Variants in FBN3 observed in about 807,000 individuals in gnomAD.
FBN3 encodes fibrillin 3.
FBN3 carries 234 observed loss-of-function variants against 330.1 expected under a neutral mutation model. That is an observed-to-expected ratio of 0.71 (90% CI 0.64 to 0.79). The LOEUF is 0.79. FBN3 is among the 30% of genes least tolerant of loss of function. FBN3 has a pLI of 0.00. For synonymous variants in FBN3, 1,458 were observed against 1,517.3 expected, an observed-to-expected ratio of 0.96 and a Z score of 0.91; for missense variants, 3,606 against 3,886.9, an observed-to-expected ratio of 0.93 and a Z score of 1.92.
chr19:8,068,596 G>A (rs2081442771), intron 63 of FBN3, among the ~76,000 whole-genome samples: 1 of 151,752 alleles, frequency 6.6e-6, no homozygotes, highest in Non-Finnish European at 1.5e-5. Context: ...CAGCTACTTG[G>A]GGGATTGAGG....
intron 30 of FBN3, 66 bp from the exon 31 acceptor site, chr19:8,112,165 C>G: frequency 1.3e-6 from 2 of 1,552,782 alleles, no homozygotes; most frequent in South Asian, 2.4e-5. Context: ...GCAATAGCAG[C>G]GGAAAGGGCA....
At chr19:8,097,119 G>T in intron 42 of FBN3, 113 bp from the exon 43 acceptor site, 2 of 1,506,624 alleles carry the variant, frequency 1.3e-6, no homozygotes, top group South Asian at 2.5e-5. Flanking sequence ...GAAGCAGCCA[G>T]AGCTGGAGTA....
At chr19:8,137,485 A>G (rs1049187810) in intron 10 of FBN3, among the ~76,000 whole-genome samples, 1 of 151,864 alleles carries the variant, frequency 6.6e-6, no homozygotes, top group Non-Finnish European at 1.5e-5. Flanking sequence ...GGTCCCAGAG[A>G]TGCCCAGACT....
At chr19:8,130,189 C>T (rs2083091453) in intron 16 of FBN3, among the ~76,000 whole-genome samples, 1 of 151,722 alleles carries the variant, frequency 6.6e-6, no homozygotes, top group Non-Finnish European at 1.5e-5. Context: ...TGAGCCACCG[C>T]ATCTGGCCAT....
At chr19:8,085,258 G>T in intron 56 of FBN3, 105 bp downstream of exon 56, 1 of 629,194 alleles carries the variant, frequency 1.6e-6, no homozygotes, top group Non-Finnish European at 2.5e-6. Context: ...CACACACACA[G>T]TGTGGCTCAC....
intron 55 of FBN3, 30 bp from the exon 56 acceptor site, chr19:8,085,599 C>A (rs946066869): frequency 3.6e-5 from 54 of 1,499,142 alleles, no homozygotes; most frequent in Non-Finnish European, 4.6e-5. Flanking sequence ...AGACAACGGT[C>A]ACTCCAGGAG....
chr19:8,088,044 G>A lies in FBN3; in HGVS notation c.6496+16C>T, dbSNP rs780551579. 2.2e-5 allele frequency: 36 copies of A among 1,614,142 alleles called. No homozygotes were observed. Among genetic ancestry groups the A allele is most frequent in the Non-Finnish European group, 3.1e-5 (36 of 1,180,040 alleles). ...CTCCGTCACACGGCCCAGGTCCTGGGCAAGCAGAGTTGTACCCTCGCAGGT... is the reference window on the plus strand; with the variant it reads ...CTCCGTCACACGGCCCAGGTCCTGGACAAGCAGAGTTGTACCCTCGCAGGT... On this transcript the variant is annotated intron_variant, in intron 52 of 63. Coordinates refer to ENST00000600128, the MANE Select transcript of FBN3 (RefSeq NM_032447.5).
At chr19:8,101,338 T>C (rs2082324304) in intron 40 of FBN3, among the ~76,000 whole-genome samples, 1 of 152,142 alleles carries the variant, frequency 6.6e-6, no homozygotes, top group Non-Finnish European at 1.5e-5. Flanking sequence ...CTCTGGGGAA[T>C]GAATACAGCT....
rs927536802 is a variant in FBN3 at position 8,096,614 on chromosome 19, T to C, written c.5414-45A>G. On this transcript the variant is annotated intron_variant, in intron 43 of 63. Coordinates refer to ENST00000600128, the MANE Select transcript of FBN3 (RefSeq NM_032447.5). The surrounding 1 kb of genome is among the most constrained non-coding windows in gnomAD (Gnocchi z 4.6). Reference sequence around the variant, plus strand: ...GGTGTTCCCAGGGCTCCTACCACAGTGTTTGCCTGAGCTCTCCCTACTGCA... The same window carrying C: ...GGTGTTCCCAGGGCTCCTACCACAGCGTTTGCCTGAGCTCTCCCTACTGCA... 5.1e-6 allele frequency: 8 copies of C among 1,565,738 alleles called. No individual in the cohort carries two copies. The African/African-American group carries it at 6.7e-5, about 13-fold the overall frequency.
At chr19:8,091,388 C>T (rs898131661) in intron 48 of FBN3, 77 bp downstream of exon 48, 52 of 1,553,978 alleles carry the variant, frequency 3.3e-5, no homozygotes, top group Non-Finnish European at 4.4e-5. Context: ...CAAGAAACCA[C>T]AGCCCTCTTT....
intron 37 of FBN3, among the ~76,000 whole-genome samples, chr19:8,107,805 A>AGGAT (rs150704121): frequency 2.9e-4 from 43 of 146,698 alleles, no homozygotes; most frequent in Admixed American, 8.1e-4. Context: ...AAAAAATGGA[A>AGGAT]GGATGGATGG....
intron 13 of FBN3, 25 bp downstream of exon 13, chr19:8,135,936 G>GGGGGGGGGGGGGGGGGGCCCCCCC: frequency 4.3e-5 from 29 of 668,722 alleles, no homozygotes; most frequent in Non-Finnish European, 5.8e-5. Flanking sequence ...GGAAGCCCCT[G>GGGGGGGGGGGGGGGGGGCCCCCCC]CCCACCCGCC....
chr19:8,071,018 G>A (rs1212611922), intron 63 of FBN3, among the ~76,000 whole-genome samples: 1 of 130,736 alleles, frequency 7.6e-6, no homozygotes, highest in Non-Finnish European at 1.7e-5. Flanking sequence ...GTGAGACTCT[G>A]TCTCAAAAAA....
intron 18 of FBN3, among the ~76,000 whole-genome samples, chr19:8,128,271 A>G (rs1404594678): frequency 6.6e-6 from 1 of 152,152 alleles, no homozygotes; most frequent in Non-Finnish European, 1.5e-5. Flanking sequence ...AAGTGTGAGA[A>G]TGAGTGTATG....
chr19:8,104,046 G>C (rs1018918150), intron 38 of FBN3, among the ~76,000 whole-genome samples: 1 of 151,502 alleles, frequency 6.6e-6, no homozygotes, highest in Non-Finnish European at 1.5e-5. Flanking sequence ...GATCACTTGA[G>C]TCCAGGAGGT....
In FBN3 at chr19:8,096,754, T is replaced by C; in HGVS notation, c.5413+127A>G. On this transcript the variant is annotated intron_variant, in intron 43 of 63. Transcript: ENST00000600128. The surrounding 1 kb of genome is among the most constrained non-coding windows in gnomAD (Gnocchi z 4.6). ...TATCACATCCTATTAACAGACACTC[T>C]CAATACATCCCCCACCCCCCTAATA... is the stretch of plus-strand genomic sequence containing the variant. 7.6e-7 allele frequency: 1 copy of C among 1,321,644 alleles called. No individual in the cohort carries two copies. The highest frequency in any genetic ancestry group is 1.0e-6 in the Non-Finnish European group (1 of 958,724). The allele number at this position is 1,321,644 out of a possible 1,614,324, so 81.9% of individuals were successfully genotyped here. A position where few individuals can be genotyped will look rare whatever the true frequency, so the allele number is the denominator to read the frequency against.
At chr19:8,074,834 T>C (rs1342859472) in intron 61 of FBN3, 1 of 488,642 alleles carries the variant, frequency 2.0e-6, no homozygotes, top group Non-Finnish European at 3.6e-6. Context: ...AGAATCTTTC[T>C]CAACTGAGTC....
chr19:8,108,842 C>T (rs1426831893), intron 36 of FBN3, among the ~76,000 whole-genome samples: 1 of 152,146 alleles, frequency 6.6e-6, no homozygotes, highest in Non-Finnish European at 1.5e-5. Flanking sequence ...AAAGAAAACC[C>T]TTAGGACAGT....
intron 48 of FBN3, 38 bp from the exon 49 acceptor site, chr19:8,090,289 G>A (rs12459760): frequency 0.14 from 229,936 of 1,609,044 alleles, 17,658 homozygotes; most frequent in East Asian, 0.26. Flanking sequence ...ATTGAAAGCC[G>A]CTGGCAGTGC....
Sources: allele counts gnomAD v4.1 joint callset (sites outside exome capture counted in the v4.1 genomes callset), GRCh38; gene constraint gnomAD v4.1.1; non-coding constraint Gnocchi (gnomAD v3.1); transcripts MANE v1.5; gene names NCBI Gene and HGNC (gene_info 2026-07-23, HGNC 2026-07-21).